ENTREP2: variants seen among roughly 807,000 people sequenced by gnomAD.
ENTREP2 encodes endosomal transmembrane epsin interactor 2.
At chr15:29,206,649 C>CA in the ENTREP2 span, among the ~76,000 whole-genome samples, 2 of 152,108 alleles carry the variant, frequency 1.3e-5, no homozygotes, top group East Asian at 3.9e-4. Context: ...GGACAGGGGC[C>CA]AATCCGGGGT....
At chr15:29,626,383 C>T in the ENTREP2 span, among the ~76,000 whole-genome samples, 1 of 152,228 alleles carries the variant, frequency 6.6e-6, no homozygotes, top group African/African-American at 2.4e-5. Flanking sequence ...TGAGATTTGA[C>T]GGTTTTATAA....
chr15:29,231,890 C>CTTTTTTTTTTTTTTTTT, the ENTREP2 span, among the ~76,000 whole-genome samples: 5 of 136,838 alleles, frequency 3.7e-5, no homozygotes, highest in African/African-American at 8.1e-5. Flanking sequence ...CTTTTCTTTT[C>CTTTTTTTTTTTTTTTTT]TTTCTTTTTT....
At chr15:29,368,878 C>G in the ENTREP2 span, among the ~76,000 whole-genome samples, 1 of 150,114 alleles carries the variant, frequency 6.7e-6, no homozygotes, top group Non-Finnish European at 1.5e-5. Context: ...AAGACTCTGT[C>G]TGAAAAAAAA....
At chr15:29,672,338 C>G in the ENTREP2 span, among the ~76,000 whole-genome samples, 1 of 152,130 alleles carries the variant, frequency 6.6e-6, no homozygotes, top group African/African-American at 2.4e-5. Context: ...ATGGCATGTA[C>G]AATTTTTATT....
chr15:29,566,021 T>G, the ENTREP2 span, among the ~76,000 whole-genome samples: 1 of 151,976 alleles, frequency 6.6e-6, no homozygotes, highest in African/African-American at 2.4e-5. Context: ...TCTAATACAT[T>G]TTATGATTGT....
the ENTREP2 span, among the ~76,000 whole-genome samples, chr15:29,177,967 A>G: frequency 6.6e-6 from 1 of 152,098 alleles, no homozygotes; most frequent in African/African-American, 2.4e-5. Context: ...ACAAAATTAA[A>G]GTGCCTAAAA....
At chr15:29,580,056 G>T in the ENTREP2 span, among the ~76,000 whole-genome samples, 1 of 151,880 alleles carries the variant, frequency 6.6e-6, no homozygotes, top group African/African-American at 2.4e-5. Context: ...ATGTTGCCAA[G>T]GCTGGTCTCT....
chr15:29,301,579 C>T, the ENTREP2 span, among the ~76,000 whole-genome samples: 1 of 152,126 alleles, frequency 6.6e-6, no homozygotes, highest in African/African-American at 2.4e-5. Flanking sequence ...CAGATACTAC[C>T]TTTGACTAAG....
At chr15:29,137,401 G>A in the ENTREP2 span, among the ~76,000 whole-genome samples, 1 of 152,252 alleles carries the variant, frequency 6.6e-6, no homozygotes, top group African/African-American at 2.4e-5. Flanking sequence ...TGTTGCCCAC[G>A]CTGTTATACA....
the ENTREP2 span, chr15:29,269,190 GCCTTGGTCAC>G: frequency 6.2e-7 from 1 of 1,614,174 alleles, no homozygotes; most frequent in South Asian, 1.1e-5. Flanking sequence ...TAGTGGGCGT[GCCTTGGTCAC>G]CCCTCATCTC....
At chr15:29,582,305 A>G in the ENTREP2 span, among the ~76,000 whole-genome samples, 1 of 152,214 alleles carries the variant, frequency 6.6e-6, no homozygotes, top group Non-Finnish European at 1.5e-5. Context: ...TTATACAACA[A>G]TGTATTCAAA....
At chr15:29,402,471 C>T in the ENTREP2 span, among the ~76,000 whole-genome samples, 1 of 152,044 alleles carries the variant, frequency 6.6e-6, no homozygotes, top group Non-Finnish European at 1.5e-5. Flanking sequence ...ATGCATCACC[C>T]GGCTGATTTT....
At chr15:29,251,176 C>G in the ENTREP2 span, among the ~76,000 whole-genome samples, 1 of 152,208 alleles carries the variant, frequency 6.6e-6, no homozygotes. Context: ...ACAGGTAGAG[C>G]AGGCAGAGGG....
At chr15:29,452,470 A>G in the ENTREP2 span, 1 of 152,256 alleles carries the variant, frequency 6.6e-6, no homozygotes, top group African/African-American at 2.4e-5. Context: ...GTGGCGAATA[A>G]GCAGAACACG....
chr15:29,409,629 T>C, the ENTREP2 span, among the ~76,000 whole-genome samples: 3 of 73,232 alleles, frequency 4.1e-5, no homozygotes, highest in Non-Finnish European at 7.6e-5. Context: ...CCGGCCTATT[T>C]TTCTTTTTTT....
At chr15:29,622,595 G>A in the ENTREP2 span, among the ~76,000 whole-genome samples, 1 of 152,134 alleles carries the variant, frequency 6.6e-6, no homozygotes, top group East Asian at 1.9e-4. Context: ...AGGAGAAGGT[G>A]TTATTGAGAA....
the ENTREP2 span, among the ~76,000 whole-genome samples, chr15:29,558,735 C>A: frequency 3.5e-4 from 1 of 2,854 alleles, no homozygotes; most frequent in African/African-American, 1.4e-3. Context: ...CCTGACACAG[C>A]AAAACTAAGT....
At chr15:29,153,615 C>T in the ENTREP2 span, among the ~76,000 whole-genome samples, 8 of 152,166 alleles carry the variant, frequency 5.3e-5, no homozygotes, top group South Asian at 1.0e-3. Flanking sequence ...TTTGGAGGGA[C>T]ACAAGCATTA....
the ENTREP2 span, among the ~76,000 whole-genome samples, chr15:29,368,516 A>T: frequency 6.6e-6 from 1 of 152,172 alleles, no homozygotes; most frequent in Non-Finnish European, 1.5e-5. Context: ...AAAGAACTAA[A>T]GAAAAAGATG....
Sources: gnomAD v4.1 joint callset for allele counts (sites outside exome capture counted in the v4.1 genomes callset) on GRCh38, gnomAD v4.1.1 for gene constraint, MANE v1.5 for transcripts, NCBI Gene and HGNC (gene_info 2026-07-23, HGNC 2026-07-21) for gene names.